Variants in CARMIL1 observed in about 807,000 individuals in gnomAD.
CARMIL1 encodes the protein F-actin-uncapping protein LRRC16A.
Under a neutral mutation model 177.1 loss-of-function variants are expected in CARMIL1, and 90 were observed. That is an observed-to-expected ratio of 0.51 (90% CI 0.43 to 0.61). CARMIL1 has a LOEUF of 0.61. CARMIL1 is among the 20% of genes least tolerant of loss of function. CARMIL1 has a pLI of 0.00. For synonymous variants in CARMIL1, 577 were observed against 606.2 expected (o/e 0.95, Z 0.71); for missense variants, 1,380 against 1,667.0 (o/e 0.83, Z 3.00).
At chr6:25,409,110 A>G (rs187966956) in intron 2 of CARMIL1, among the ~76,000 whole-genome samples, 7 of 152,354 alleles carry the variant, frequency 4.6e-5, no homozygotes, top group Non-Finnish European at 8.8e-5. Context: ...ATCACCATAT[A>G]GAAATGGAAA....
At chr6:25,573,590 C>CAAAAAAAA (rs5875051) in intron 29 of CARMIL1, among the ~76,000 whole-genome samples, 3 of 69,960 alleles carry the variant, frequency 4.3e-5, no homozygotes, top group African/African-American at 5.9e-5. Context: ...TACCTCTAAG[C>CAAAAAAAA]AAAAAAAAAA....
intron 27 of CARMIL1, 52 bp downstream of exon 27, chr6:25,551,137 T>C: frequency 7.0e-7 from 1 of 1,435,982 alleles, no homozygotes; most frequent in Non-Finnish European, 9.7e-7. Flanking sequence ...GTAAATGCAG[T>C]CGAGGCAGCT....
chr6:25,303,429 C>T (rs1344750807), intron 2 of CARMIL1, among the ~76,000 whole-genome samples: 1 of 152,142 alleles, frequency 6.6e-6, no homozygotes, highest in Non-Finnish European at 1.5e-5. Flanking sequence ...ACTCTGTTCC[C>T]AAGATATGAA....
At chr6:25,605,821 A>G (rs1267293660) in intron 34 of CARMIL1, among the ~76,000 whole-genome samples, 1 of 152,248 alleles carries the variant, frequency 6.6e-6, no homozygotes, top group Non-Finnish European at 1.5e-5. Context: ...CATCGCTGGA[A>G]TAGTCAGGGG....
intron 29 of CARMIL1, among the ~76,000 whole-genome samples, chr6:25,568,649 C>T (rs891089537): frequency 1.3e-5 from 2 of 152,146 alleles, no homozygotes; most frequent in East Asian, 1.9e-4. Flanking sequence ...ATGGAAATCC[C>T]CAAATGCCAA....
At chr6:25,299,729 A>G (rs1782699152) in intron 2 of CARMIL1, among the ~76,000 whole-genome samples, 2 of 151,864 alleles carry the variant, frequency 1.3e-5, no homozygotes, top group East Asian at 3.9e-4. Context: ...TAATTCCAGC[A>G]CTTTGGGAGG....
intron 5 of CARMIL1, among the ~76,000 whole-genome samples, chr6:25,445,048 T>A (rs1166018777): frequency 6.6e-6 from 1 of 152,244 alleles, no homozygotes; most frequent in Non-Finnish European, 1.5e-5. Context: ...GTTCCCTGAC[T>A]TTTTAATGAT....
In CARMIL1 at chr6:25,613,037, T is replaced by G. The variant is rs542153037; in HGVS notation, c.3979+2856T>G. On this transcript the variant is annotated intron_variant, in intron 36 of 36. Transcript: ENST00000329474. ...TTTTGGTTTTGTTTTTTTCTAAATC[T>G]CAACAGGATGGTCCTTTTATTTGGG... 2.3e-4 allele frequency among the ~76,000 whole-genome samples: 35 copies of G among 152,328 alleles called. 3 individuals carry two copies. In the South Asian group the frequency reaches 7.1e-3, roughly 31 times the overall value.
chr6:25,296,575 T>C (rs529593287), intron 2 of CARMIL1, among the ~76,000 whole-genome samples: 6 of 152,208 alleles, frequency 3.9e-5, no homozygotes, highest in Non-Finnish European at 8.8e-5. Context: ...CTGAGAACCT[T>C]GCAAGGTTCT....
chr6:25,585,879 T>G (rs1050137691), intron 31 of CARMIL1, among the ~76,000 whole-genome samples: 5 of 152,088 alleles, frequency 3.3e-5, no homozygotes, highest in Admixed American at 1.3e-4. Context: ...GGTTATAGAT[T>G]AACAGCATCC....
intron 12 of CARMIL1, among the ~76,000 whole-genome samples, chr6:25,483,575 G>A (rs907247781): frequency 2.0e-5 from 3 of 147,246 alleles, no homozygotes; most frequent in African/African-American, 7.6e-5. Flanking sequence ...GCTGTCTTAT[G>A]TTTTTATATG....
chr6:25,382,383 C>CG (rs1447219518), intron 2 of CARMIL1, among the ~76,000 whole-genome samples: 1 of 152,302 alleles, frequency 6.6e-6, no homozygotes, highest in East Asian at 1.9e-4. Flanking sequence ...TCACTGACTT[C>CG]AAGAATGAAG....
At chr6:25,298,755 CTTT>C (rs35932044) in intron 2 of CARMIL1, among the ~76,000 whole-genome samples, 1 of 133,394 alleles carries the variant, frequency 7.5e-6, no homozygotes, top group Non-Finnish European at 1.6e-5. Flanking sequence ...GTTATGATTG[CTTT>C]TTTTTTTTTT....
chr6:25,428,229 C>G lies in CARMIL1; in HGVS notation c.249+1669C>G, dbSNP rs1340660139. Among the ~76,000 whole-genome samples the G allele has an allele frequency of 5.9e-5, 9 of 151,352 alleles. No individual in the cohort carries two copies. In the East Asian group the frequency reaches 1.7e-3, roughly 29 times the overall value. On this transcript the variant is annotated intron_variant, in intron 4 of 36. Transcript: ENST00000329474. Reference sequence around the variant, plus strand: ...AGATCAAAATTTTTTTTTAGTTTGTCTTTTTTTTCTCATATGTGTATTATA... The same window carrying G: ...AGATCAAAATTTTTTTTTAGTTTGTGTTTTTTTTCTCATATGTGTATTATA...
chr6:25,426,492 C>T lies in CARMIL1; in HGVS notation c.190-9C>T, dbSNP rs145637608. The T allele has an allele frequency of 5.6e-6, 9 of 1,608,652 alleles. No individual in the cohort carries two copies. The African/African-American group carries it at 9.4e-5, about 17-fold the overall frequency. On this transcript the variant is annotated splice_polypyrimidine_tract_variant and intron_variant, in intron 3 of 36. Transcript: ENST00000329474. ...GGTCTTTTCTTTCCTCCTTTCCCCT[C>T]AATTGCAGCTCGAGTTAACCTTCAG...
chr6:25,589,454 GTACTT>G (rs2151280148), intron 31 of CARMIL1, among the ~76,000 whole-genome samples: 1 of 152,244 alleles, frequency 6.6e-6, no homozygotes, highest in South Asian at 2.1e-4. Context: ...ACAAAATAGA[GTACTT>G]TAGTAAGATC....
chr6:25,297,218 G>C (rs1782474441), intron 2 of CARMIL1, among the ~76,000 whole-genome samples: 1 of 152,254 alleles, frequency 6.6e-6, no homozygotes, highest in African/African-American at 2.4e-5. Flanking sequence ...CACAGTCACT[G>C]CTTGTGCTGT....
chr6:25,451,243 C>T (rs1357385910), intron 8 of CARMIL1, among the ~76,000 whole-genome samples: 1 of 151,690 alleles, frequency 6.6e-6, no homozygotes, highest in Non-Finnish European at 1.5e-5. Flanking sequence ...TGAATTTTAC[C>T]ATAAAAACAG....
chr6:25,279,625 TGG>T lies in CARMIL1; in HGVS notation c.-170_-169del. On this transcript the variant is annotated 5_prime_UTR_variant, in exon 1 of 37. Coordinates refer to ENST00000329474, the MANE Select transcript of CARMIL1 (RefSeq NM_017640.6). ...CATTTGCAACTCTTTTTTTTTTTTT[TGG>T]TGGGGCGGGGGGCGCGCGGCAAAAT... The T allele has an allele frequency of 6.9e-6, 4 of 579,148 alleles. No individual in the cohort carries two copies. Among genetic ancestry groups the T allele is most frequent in the Non-Finnish European group, 6.1e-6 (2 of 325,528 alleles). The allele number at this position is 579,148 out of a possible 1,614,324, so 35.9% of individuals were successfully genotyped here. A position where few individuals can be genotyped will look rare whatever the true frequency, so the allele number is the denominator to read the frequency against.
Sources: gnomAD v4.1 joint callset for allele counts (sites outside exome capture counted in the v4.1 genomes callset) on GRCh38, gnomAD v4.1.1 for gene constraint, MANE v1.5 for transcripts, NCBI Gene and HGNC (gene_info 2026-07-23, HGNC 2026-07-21) for gene names.